The following CTXND2 variants were observed in gnomAD, a reference collection of about 807,000 sequenced individuals.
The protein encoded by CTXND2 is cortexin domain containing 2.
At chr1:150,900,143 A>G (rs895002169) in intron 1 of CTXND2, among the ~76,000 whole-genome samples, 5 of 152,118 alleles carry the variant, frequency 3.3e-5, no homozygotes, top group African/African-American at 1.2e-4. Flanking sequence ...GCTCTTCTCA[A>G]TAAATCTTCC....
intron 1 of CTXND2, chr1:150,904,057 G>A: frequency 1.5e-6 from 1 of 660,296 alleles, no homozygotes; most frequent in Non-Finnish European, 2.8e-6. Context: ...ATGCCAATAA[G>A]AACAAAGGCA....
chr1:150,898,626 C>T (rs1394680637), intron 1 of CTXND2, among the ~76,000 whole-genome samples: 1 of 150,160 alleles, frequency 6.7e-6, no homozygotes, highest in East Asian at 2.0e-4. Context: ...CGTGGTGGTG[C>T]CCGCCTGTAG....
intron 1 of CTXND2, among the ~76,000 whole-genome samples, chr1:150,900,514 A>G (rs1412912707): frequency 6.6e-6 from 1 of 152,108 alleles, no homozygotes; most frequent in Non-Finnish European, 1.5e-5. Context: ...TCTCGACACA[A>G]TGGTAGGCAC....
chr1:150,892,347 C>A (rs1288815433), intron 1 of CTXND2, among the ~76,000 whole-genome samples: 1 of 152,092 alleles, frequency 6.6e-6, no homozygotes, highest in African/African-American at 2.4e-5. Flanking sequence ...ACAATACCCA[C>A]TGTGTTATAA....
At chr1:150,891,268 G>A (rs1668846564) in intron 1 of CTXND2, among the ~76,000 whole-genome samples, 2 of 151,228 alleles carry the variant, frequency 1.3e-5, no homozygotes, top group Admixed American at 1.3e-4. Flanking sequence ...AGGCTGGAGT[G>A]CAGTGGCAGA....
intron 1 of CTXND2, among the ~76,000 whole-genome samples, chr1:150,900,677 T>C (rs1350553130): frequency 6.6e-6 from 1 of 150,844 alleles, no homozygotes; most frequent in Non-Finnish European, 1.5e-5. Flanking sequence ...CCCTGACGAA[T>C]AGTGAGAAAA....
chr1:150,903,818 G>T, intron 1 of CTXND2: 3 of 413,586 alleles, frequency 7.3e-6, no homozygotes, highest in Non-Finnish European at 9.2e-6. Context: ...AAAAAAAATT[G>T]CCTTTATGGA....
chr1:150,901,448 T>C (rs1337534513), intron 1 of CTXND2, among the ~76,000 whole-genome samples: 1 of 152,164 alleles, frequency 6.6e-6, no homozygotes, highest in Non-Finnish European at 1.5e-5. Flanking sequence ...CAAACACTCT[T>C]GAAAATGAAG....
At chr1:150,897,778 G>A (rs994436907) in intron 1 of CTXND2, among the ~76,000 whole-genome samples, 1 of 152,164 alleles carries the variant, frequency 6.6e-6, no homozygotes, top group African/African-American at 2.4e-5. Flanking sequence ...CACCCAAAGG[G>A]TGGTACAGAT....
At chr1:150,896,587 A>T (rs1044309408) in intron 1 of CTXND2, among the ~76,000 whole-genome samples, 3 of 152,140 alleles carry the variant, frequency 2.0e-5, no homozygotes, top group African/African-American at 7.2e-5. Context: ...TGCTTTATCC[A>T]CTAAAACCTG....
intron 1 of CTXND2, among the ~76,000 whole-genome samples, chr1:150,887,562 G>A (rs1245746921): frequency 2.0e-5 from 3 of 152,054 alleles, no homozygotes; most frequent in East Asian, 3.9e-4. Context: ...GACCTTTTTC[G>A]TTAGAGCTTT....
At chr1:150,904,102 G>A (rs1411707702) in intron 1 of CTXND2, 7 of 663,436 alleles carry the variant, frequency 1.1e-5, no homozygotes, top group Non-Finnish European at 2.0e-5. Flanking sequence ...TGGAGTATTT[G>A]GAAAATCCCA....
At chr1:150,901,924 TAAAA>T (rs199515058) in intron 1 of CTXND2, among the ~76,000 whole-genome samples, 1 of 142,082 alleles carries the variant, frequency 7.0e-6, no homozygotes, top group Admixed American at 7.1e-5. Flanking sequence ...AGATTCCATC[TAAAA>T]AAAAAAAAAT....
chr1:150,890,755 G>A (rs1257697228), intron 1 of CTXND2, among the ~76,000 whole-genome samples: 1 of 151,912 alleles, frequency 6.6e-6, no homozygotes. Context: ...CACCCGCCTC[G>A]GCACCCCAAA....
chr1:150,900,673 C>T lies in CTXND2; in HGVS notation c.-73-11569C>T, dbSNP rs587726721. On this transcript the variant is annotated intron_variant, in intron 1 of 1. Coordinates refer to ENST00000636087, the Ensembl canonical transcript of CTXND2. ...AAAACAAACCAAAAAAAAACCCTGA[C>T]GAATAGTGAGAAAATATTTGCAATA... Among the ~76,000 whole-genome samples, 63 of 151,282 alleles carry T rather than the reference C, an allele frequency of 4.2e-4. 1 individual carries two copies. The East Asian group carries it at 5.1e-3, about 12-fold the overall frequency.
At chr1:150,898,754 CAAAAAA>C (rs34434799) in intron 1 of CTXND2, among the ~76,000 whole-genome samples, 2 of 81,212 alleles carry the variant, frequency 2.5e-5, no homozygotes, top group African/African-American at 9.5e-5. Context: ...GATTCTGACT[CAAAAAA>C]AAAAAAAAAA....
rs587640844 is a variant in CTXND2 at position 150,912,118 on chromosome 1, GCTT to G, written c.-73-120_-73-118del. 1.2e-3 allele frequency: 465 copies of G among 384,446 alleles called. 1 individual carries two copies. The highest frequency in any genetic ancestry group is 2.9e-3 in the South Asian group (20 of 6,928). The allele number at this position is 384,446 out of a possible 1,614,324, so 23.8% of individuals were successfully genotyped here. A position where few individuals can be genotyped will look rare whatever the true frequency, so the allele number is the denominator to read the frequency against. The stretch of plus-strand genomic sequence containing the variant: ...TATTAACTTTATCAGTTTTGTAACT[GCTT>G]CTTAAGTAAATCTTACTGATATTTT... On this transcript the variant is annotated intron_variant, in intron 1 of 1. Transcript: ENST00000636087.
intron 1 of CTXND2, chr1:150,903,845 G>A: frequency 1.9e-6 from 1 of 517,856 alleles, no homozygotes; most frequent in South Asian, 1.6e-5. Context: ...GGGATGTCCG[G>A]CTTCAGAGTG....
intron 1 of CTXND2, among the ~76,000 whole-genome samples, chr1:150,905,921 C>T (rs1404358190): frequency 2.7e-5 from 4 of 150,722 alleles, no homozygotes; most frequent in Admixed American, 6.6e-5. Flanking sequence ...ACCCGGGAGG[C>T]GGAGCTTGCA....
Sources: gnomAD v4.1 joint callset for allele counts (sites outside exome capture counted in the v4.1 genomes callset) on GRCh38, gnomAD v4.1.1 for gene constraint, MANE v1.5 for transcripts, NCBI Gene and HGNC (gene_info 2026-07-23, HGNC 2026-07-21) for gene names.